The following AGGF1 variants were observed in gnomAD, a reference collection of about 807,000 sequenced individuals.
The protein encoded by AGGF1 is angiogenic factor with G patch and FHA domains 1.
AGGF1 carries 56 observed loss-of-function variants against 86.5 expected under a neutral mutation model. That is an observed-to-expected ratio of 0.65 (90% CI 0.52 to 0.81). The LOEUF (loss-of-function observed/expected upper bound fraction) is 0.81. Among genes scored for constraint, AGGF1 ranks in the 30% least tolerant of loss-of-function variants. The probability of loss-of-function intolerance (pLI) is 0.00; values close to 1 mark genes in which losing one functional copy is unlikely to be tolerated. For missense variants in AGGF1, 816 were observed against 850.9 expected (o/e 0.96, Z 0.51); for synonymous variants, 313 against 297.1 (o/e 1.05, Z -0.55).
chr5:77,043,724 A>G (rs1364926213), intron 5 of AGGF1, among the ~76,000 whole-genome samples: 8 of 127,426 alleles, frequency 6.3e-5, no homozygotes, highest in Non-Finnish European at 1.0e-4. Flanking sequence ...CCGGGCGGAG[A>G]CGCTCCTCAC....
At chr5:77,060,954 C>T (rs1747552888) in intron 12 of AGGF1, among the ~76,000 whole-genome samples, 1 of 152,092 alleles carries the variant, frequency 6.6e-6, no homozygotes, top group African/African-American at 2.4e-5. Context: ...GAAGGGCTAA[C>T]AGCATATTTT....
chr5:77,039,662 T>TA lies in AGGF1; in HGVS notation c.819dup (p.Leu274IlefsTer15). On this transcript the variant is annotated frameshift_variant, in exon 5 of 14. Coordinates refer to ENST00000312916, the MANE Select transcript of AGGF1 (RefSeq NM_018046.5). LOFTEE classifies it high-confidence loss of function. ...CTTCTAGCACAAAACAAAGTAAAGA[T>TA]AAAAAATTGAAGAAGAAAAGAAAAG... 1 of 1,612,204 alleles carries TA rather than the reference T, an allele frequency of 6.2e-7. No homozygotes were observed.
At chr5:77,054,783 A>G (rs1580134907) in intron 10 of AGGF1, among the ~76,000 whole-genome samples, 1 of 152,164 alleles carries the variant, frequency 6.6e-6, no homozygotes, top group East Asian at 1.9e-4. Context: ...TTTGACAGGT[A>G]TGTATTGATG....
chr5:77,055,018 G>C (rs1747436035), intron 10 of AGGF1, among the ~76,000 whole-genome samples: 1 of 152,080 alleles, frequency 6.6e-6, no homozygotes, highest in Admixed American at 6.5e-5. Flanking sequence ...TAGATGCTTT[G>C]AACTAGTAAG....
intron 5 of AGGF1, among the ~76,000 whole-genome samples, chr5:77,042,100 C>A (rs1264426044): frequency 4.6e-5 from 7 of 151,560 alleles, no homozygotes; most frequent in Non-Finnish European, 1.0e-4. Context: ...GTGGACACAG[C>A]ACATGTTTCA....
At chr5:77,042,846 G>A (rs1747142140) in intron 5 of AGGF1, among the ~76,000 whole-genome samples, 1 of 62,102 alleles carries the variant, frequency 1.6e-5, no homozygotes, top group Non-Finnish European at 4.1e-5. Flanking sequence ...CGGGGCGGCT[G>A]GCCGGGCGGG....
intron 2 of AGGF1, among the ~76,000 whole-genome samples, chr5:77,035,074 A>G (rs1746938282): frequency 6.6e-6 from 1 of 152,222 alleles, no homozygotes; most frequent in African/African-American, 2.4e-5. Flanking sequence ...CAATAGTGCT[A>G]ACTTTTCTTA....
intron 11 of AGGF1, among the ~76,000 whole-genome samples, chr5:77,057,689 G>A (rs1282321716): frequency 6.6e-6 from 1 of 152,198 alleles, no homozygotes. Context: ...GCTGCCTTCT[G>A]GGTGAATGGA....
intron 11 of AGGF1, among the ~76,000 whole-genome samples, chr5:77,057,206 A>G (rs889719442): frequency 1.3e-5 from 2 of 152,226 alleles, no homozygotes; most frequent in African/African-American, 4.8e-5. Context: ...TAAAAAGTTA[A>G]ACATACACCT....
intron 12 of AGGF1, among the ~76,000 whole-genome samples, chr5:77,060,535 C>T (rs988546641): frequency 1.3e-5 from 2 of 151,984 alleles, no homozygotes; most frequent in African/African-American, 4.8e-5. Flanking sequence ...GTAATATGAC[C>T]GTATTTCTGC....
At chr5:77,053,729 A>G (rs1004069986) in intron 9 of AGGF1, among the ~76,000 whole-genome samples, 22 of 152,064 alleles carry the variant, frequency 1.4e-4, no homozygotes, top group African/African-American at 5.1e-4. Context: ...GGATAGGGAG[A>G]CTGGTGGGTT....
rs768071371 is a variant in AGGF1, at chr5:77,036,825, C to T, written c.681+105C>T. 208 of 1,259,088 alleles carry T rather than the reference C, an allele frequency of 1.7e-4. 1 individual carries two copies. The highest frequency in any genetic ancestry group is 7.3e-5 in the Admixed American group (4 of 54,500). The allele number at this position is 1,259,088 out of a possible 1,614,324, so 78.0% of individuals were successfully genotyped here. ...TGATCTCAGCTCACTGCAACTTTCA[C>T]CCCCCAGGTTCAAGTGATTCTTATG... On this transcript the variant is annotated intron_variant, in intron 4 of 13. Coordinates refer to ENST00000312916, the MANE Select transcript of AGGF1 (RefSeq NM_018046.5).
Position 77,034,465 on chromosome 5 carries a change from T to TAA in AGGF1, c.262_263dup (p.Asp90LeufsTer3). 6.2e-7 allele frequency: 1 copy of TAA among 1,613,628 alleles called. No homozygotes were observed. The highest frequency in any genetic ancestry group is 8.5e-7 in the Non-Finnish European group (1 of 1,179,668). On this transcript the variant is annotated frameshift_variant, in exon 2 of 14. Coordinates refer to ENST00000312916, the MANE Select transcript of AGGF1 (RefSeq NM_018046.5). LOFTEE classifies it high-confidence loss of function. The stretch of plus-strand genomic sequence containing the variant: ...TCCAACGTGGGAGAAATGAAGATAA[T>TAA]AAAAAGTCTGATGTAGAAGTACAAA...
rs570729872 is a variant in AGGF1 at position 77,050,301 on chromosome 5, T to G, written c.1365+1314T>G. On this transcript the variant is annotated intron_variant, in intron 8 of 13. Transcript: ENST00000312916. ...TCTATGGTGGCTTTTTCTTTTTCTT[T>G]GTTTCTTTTTTTTTTTTTTTTTTTT... Among the ~76,000 whole-genome samples, 6 of 133,734 alleles carry G rather than the reference T, an allele frequency of 4.5e-5. No individual in the cohort carries two copies. In the South Asian group the frequency reaches 1.1e-3, roughly 25 times the overall value. The allele number at this position is 133,734 out of a possible 152,430, so 87.7% of individuals were successfully genotyped here.
chr5:77,034,025 T>C (rs1306924531), intron 1 of AGGF1, among the ~76,000 whole-genome samples: 1 of 152,242 alleles, frequency 6.6e-6, no homozygotes, highest in Non-Finnish European at 1.5e-5. Context: ...TTCAGGTGGA[T>C]AGTTAATTCC....
At chr5:77,054,462 T>G (rs184238812) in intron 10 of AGGF1, among the ~76,000 whole-genome samples, 1 of 152,346 alleles carries the variant, frequency 6.6e-6, no homozygotes, top group African/African-American at 2.4e-5. Context: ...GGAAAGAGAT[T>G]GATAAGCTCT....
Position 77,046,390 on chromosome 5 carries a change from C to A in AGGF1, c.914C>A (p.Thr305Lys). 6.2e-7 allele frequency: 1 copy of A among 1,613,830 alleles called. No homozygotes were observed. The highest frequency in any genetic ancestry group is 2.2e-5 in the East Asian group (1 of 44,868). The change falls in exon 6 of 14, where the codon ACA (threonine) becomes AAA (lysine). Residue 305 changes from threonine (T) to lysine (K), a missense_variant. Physicochemically the swap from Thr to Lys is moderately conservative, Grantham distance 78 (BLOSUM62 -1). Coordinates refer to ENST00000312916, the MANE Select transcript of AGGF1 (RefSeq NM_018046.5). The stretch of plus-strand genomic sequence containing the variant: ...CAAAAAGCCTTCAGTGTTGAACATA[C>A]AAGCTGCAATGAGGAAGAAAATTTC... Reference protein sequence around the residue: ...EDQKAFSVEHTSCNEEENFAN... With the variant: ...EDQKAFSVEHKSCNEEENFAN...
intron 12 of AGGF1, 120 bp downstream of exon 12, chr5:77,059,863 A>G (rs1291688681): frequency 2.2e-6 from 3 of 1,342,648 alleles, no homozygotes; most frequent in Non-Finnish European, 3.1e-6. Flanking sequence ...TATTTATGAG[A>G]TGGAGTCTTG....
chr5:77,063,165 A>G lies in AGGF1; in HGVS notation c.2058A>G (p.Arg686=). 1 of 1,614,024 alleles carries G rather than the reference A, an allele frequency of 6.2e-7. No homozygotes were observed. The highest frequency in any genetic ancestry group is 1.1e-5 in the South Asian group (1 of 91,080). The change falls in exon 14 of 14, where the codon CGA becomes CGG. Residue 686 remains arginine (R), a synonymous_variant. Transcript: ENST00000312916. The part of the protein sequence containing the change: ...NKNKKNWDKA[R]ERFTENFPET... ...ACAAAAAAAACTGGGACAAAGCACG[A>G]GAGCGGTTTACTGAAAACTTCCCAG...
Sources: gnomAD v4.1 joint callset for allele counts (sites outside exome capture counted in the v4.1 genomes callset) on GRCh38, gnomAD v4.1.1 for gene constraint, MANE v1.5 for transcripts, NCBI Gene and HGNC (gene_info 2026-07-23, HGNC 2026-07-21) for gene names.